Variants in MAPK10 observed in about 807,000 individuals in gnomAD.
MAPK10 encodes JNK3 alpha protein kinase.
A neutral mutation model predicts 59.3 loss-of-function variants in MAPK10; 25 were observed. That is an observed-to-expected ratio of 0.42 (90% CI 0.31 to 0.59). The LOEUF (loss-of-function observed/expected upper bound fraction) is 0.59, where lower values mean the gene tolerates loss of function less well. Among genes scored for constraint, MAPK10 ranks in the 20% least tolerant of loss-of-function variants. MAPK10 has a pLI of 0.15. For missense variants in MAPK10, 351 were observed against 568.9 expected (o/e 0.62, Z 3.90); for synonymous variants, 190 against 200.5 (o/e 0.95, Z 0.44).
chr4:86,452,388 G>A (rs1750817897), intron 1 of MAPK10, among the ~76,000 whole-genome samples: 1 of 152,176 alleles, frequency 6.6e-6, no homozygotes, highest in South Asian at 2.1e-4. Flanking sequence ...ATGCAAGAGA[G>A]AGAAATTATT....
intron 2 of MAPK10, among the ~76,000 whole-genome samples, chr4:86,230,072 A>G (rs1411532244): frequency 6.6e-6 from 1 of 152,258 alleles, no homozygotes; most frequent in Non-Finnish European, 1.5e-5. Flanking sequence ...AAGTAAAATG[A>G]AATATAATGA....
chr4:86,193,897 GGAACC>G, intron 3 of MAPK10: 1 of 169,358 alleles, frequency 5.9e-6, no homozygotes, highest in South Asian at 1.4e-4. Flanking sequence ...GACACCTGAG[GGAACC>G]TGCAGGTTGC....
At position 86,054,223 on chromosome 4, in the gene MAPK10, A is replaced by C. The variant is rs76313225; in HGVS notation, c.1110+10043T>G. Reference sequence around the variant, plus strand: ...TTCTCTTCAGGAATAGAACTTGCTAAAATTAGAGATAAATGAGTTACATAT... The same window carrying C: ...TTCTCTTCAGGAATAGAACTTGCTACAATTAGAGATAAATGAGTTACATAT... On this transcript the variant is annotated intron_variant, in intron 11 of 13. Coordinates refer to ENST00000641462, the MANE Select transcript of MAPK10 (RefSeq NM_138982.4). Among the ~76,000 whole-genome samples the C allele has an allele frequency of 5.6e-3, 853 of 152,290 alleles. 30 individuals carry two copies. In the East Asian group the frequency reaches 0.1, roughly 18 times the overall value.
intron 2 of MAPK10, among the ~76,000 whole-genome samples, chr4:86,318,620 C>T (rs2095834827): frequency 6.6e-6 from 1 of 152,054 alleles, no homozygotes; most frequent in Admixed American, 6.6e-5. Context: ...GCCTTGTCCC[C>T]CATTTCCTTG....
At chr4:86,389,963 A>C (rs974024075) in intron 1 of MAPK10, among the ~76,000 whole-genome samples, 3 of 152,172 alleles carry the variant, frequency 2.0e-5, no homozygotes, top group Admixed American at 2.0e-4. Context: ...AAATACATTT[A>C]TTTGTCGCTT....
chr4:86,531,284 T>C (rs1045414392), intron 1 of MAPK10, among the ~76,000 whole-genome samples: 3 of 152,172 alleles, frequency 2.0e-5, no homozygotes, highest in Non-Finnish European at 2.9e-5. Flanking sequence ...TACATTACAA[T>C]CATGTTTAAG....
chr4:86,340,336 C>G (rs1724163507), intron 2 of MAPK10: 1 of 153,202 alleles, frequency 6.5e-6, no homozygotes, highest in Non-Finnish European at 1.5e-5. Flanking sequence ...TTAATTGACT[C>G]ACAGTTCATC....
chr4:86,122,655 G>A (rs892076428), intron 4 of MAPK10, among the ~76,000 whole-genome samples: 6 of 152,080 alleles, frequency 3.9e-5, no homozygotes, highest in Admixed American at 1.3e-4. Context: ...ACTCAGAATT[G>A]TGTAAGCTGA....
At chr4:86,240,770 G>A (rs749584022) in intron 2 of MAPK10, among the ~76,000 whole-genome samples, 3 of 152,138 alleles carry the variant, frequency 2.0e-5, no homozygotes, top group East Asian at 3.9e-4. Context: ...GCAGCAAACC[G>A]ATGGGTCTTG....
intron 1 of MAPK10, among the ~76,000 whole-genome samples, chr4:86,535,303 C>A (rs1160677123): frequency 6.6e-6 from 1 of 152,186 alleles, no homozygotes; most frequent in East Asian, 1.9e-4. Flanking sequence ...ACTGCCTGGA[C>A]AGTTTTAACA....
At chr4:86,161,170 G>A (rs2069504579) in intron 3 of MAPK10, among the ~76,000 whole-genome samples, 1 of 152,048 alleles carries the variant, frequency 6.6e-6, no homozygotes, top group South Asian at 2.1e-4. Context: ...AAAGAATAGA[G>A]TGGACTTATA....
At chr4:86,114,054 CA>C (rs1466871498) in intron 4 of MAPK10, among the ~76,000 whole-genome samples, 1 of 152,174 alleles carries the variant, frequency 6.6e-6, no homozygotes, top group Non-Finnish European at 1.5e-5. Context: ...TTGTGTTTTT[CA>C]GCTCCATCAG....
chr4:86,397,206 A>ATTATATTTTAATTATAATTAT, intron 1 of MAPK10, among the ~76,000 whole-genome samples: 1 of 152,242 alleles, frequency 6.6e-6, no homozygotes, highest in Non-Finnish European at 1.5e-5. Context: ...CAGTGAGAAG[A>ATTATATTTTAATTATAATTAT]AATTATAAAT....
chr4:86,346,303 A>G lies in MAPK10; in HGVS notation c.-7+8227T>C, dbSNP rs377030160. Among the ~76,000 whole-genome samples, 19 of 152,334 alleles carry G rather than the reference A, an allele frequency of 1.2e-4. No homozygotes were observed. The East Asian group carries it at 3.5e-3, about 28-fold the overall frequency. On this transcript the variant is annotated intron_variant, in intron 2 of 13. Coordinates refer to ENST00000641462, the MANE Select transcript of MAPK10 (RefSeq NM_138982.4). ...ATCCAAGGATGTTCAAACCCGTTAT[A>G]TAAAATGGTAGTATCTGCATATAAT...
chr4:86,424,915 G>T (rs1002893753), intron 1 of MAPK10, among the ~76,000 whole-genome samples: 1 of 152,160 alleles, frequency 6.6e-6, no homozygotes, highest in Non-Finnish European at 1.5e-5. Flanking sequence ...TAGAGATAGG[G>T]AAATAAATCT....
At chr4:86,052,944 C>T (rs2043856630) in intron 11 of MAPK10, among the ~76,000 whole-genome samples, 1 of 152,086 alleles carries the variant, frequency 6.6e-6, no homozygotes, top group South Asian at 2.1e-4. Context: ...CCTTGGCCTC[C>T]CAAAGTGCTA....
chr4:86,088,091 G>A (rs1433924196), intron 9 of MAPK10, among the ~76,000 whole-genome samples: 1 of 152,086 alleles, frequency 6.6e-6, no homozygotes, highest in African/African-American at 2.4e-5. Flanking sequence ...ATATTTAACA[G>A]GACCCATGAC....
chr4:86,445,351 T>C (rs921553417), intron 1 of MAPK10, among the ~76,000 whole-genome samples: 1 of 152,150 alleles, frequency 6.6e-6, no homozygotes, highest in Non-Finnish European at 1.5e-5. Flanking sequence ...TTCTCACTTA[T>C]AAGTGTGAGC....
intron 11 of MAPK10, among the ~76,000 whole-genome samples, chr4:86,038,213 T>C (rs983883319): frequency 6.6e-6 from 1 of 152,206 alleles, no homozygotes; most frequent in African/African-American, 2.4e-5. Flanking sequence ...GTTGTTGGTG[T>C]TTGTCTGCTT....
Sources: allele counts gnomAD v4.1 joint callset (sites outside exome capture counted in the v4.1 genomes callset), GRCh38; gene constraint gnomAD v4.1.1; transcripts MANE v1.5; gene names NCBI Gene and HGNC (gene_info 2026-07-23, HGNC 2026-07-21).